The following ANKEF1 variants were observed in gnomAD, a reference collection of about 807,000 sequenced individuals.
ANKEF1 encodes the protein ankyrin repeat and EF-hand domain containing 1, also known as ankyrin repeat and EF-hand domain-containing protein 1.
A neutral mutation model predicts 65.1 loss-of-function variants in ANKEF1; 43 were observed. The observed-to-expected ratio is 0.66, with a 90% confidence interval of 0.52 to 0.85. ANKEF1 has a LOEUF of 0.85. Ranked by LOEUF, ANKEF1 falls within the 40% of genes least tolerant of loss-of-function variation. The probability of loss-of-function intolerance (pLI) is 0.00; values close to 1 mark genes in which losing one functional copy is unlikely to be tolerated. For synonymous variants in ANKEF1, 316 were observed against 341.5 expected, an observed-to-expected ratio of 0.93 and a Z score of 0.82; for missense variants, 934 against 952.9, an observed-to-expected ratio of 0.98 and a Z score of 0.26.
chr20:10,039,951 A>C (rs1430830754), intron 3 of ANKEF1, among the ~76,000 whole-genome samples: 1 of 152,234 alleles, frequency 6.6e-6, no homozygotes, highest in Non-Finnish European at 1.5e-5. Context: ...AACAGATACA[A>C]ATCACAAAGA....
intron 6 of ANKEF1, among the ~76,000 whole-genome samples, chr20:10,048,816 T>C (rs933642293): frequency 1.3e-5 from 2 of 152,202 alleles, no homozygotes; most frequent in Non-Finnish European, 2.9e-5. Context: ...TCAGATTTAA[T>C]TACAATTACT....
At position 10,051,685 on chromosome 20, in the gene ANKEF1, A is replaced by G; in HGVS notation, c.1666A>G (p.Asn556Asp). The G allele has an allele frequency of 6.2e-7, 1 of 1,613,550 alleles. No homozygotes were observed. The highest frequency in any genetic ancestry group is 8.5e-7 in the Non-Finnish European group (1 of 1,179,632). The change falls in exon 8 of 11, where the codon AAC (asparagine) becomes GAC (aspartate). Residue 556 changes from asparagine (N) to aspartate (D), a missense_variant. Asn to Asp is a conservative substitution (Grantham distance 23). Coordinates refer to ENST00000378392, the MANE Select transcript of ANKEF1 (RefSeq NM_022096.6). ...CAGAGCTAACGTTAATGCAACAGAT[A>G]ACTTTCTGTGGACTCCACTTCATTT... ...EKGANVNATD[N>D]FLWTPLHFAC...
At chr20:10,044,647 T>G (rs1984404709) in intron 5 of ANKEF1, 104 bp downstream of exon 5, 1 of 1,088,984 alleles carries the variant, frequency 9.2e-7, no homozygotes, top group Admixed American at 2.6e-5. Flanking sequence ...CAGACATTTT[T>G]CTGAGTTACC....
At chr20:10,040,000 AT>A (rs1322056829) in intron 3 of ANKEF1, among the ~76,000 whole-genome samples, 1 of 152,192 alleles carries the variant, frequency 6.6e-6, no homozygotes, top group Non-Finnish European at 1.5e-5. Context: ...AAAAGTGTAA[AT>A]TTTTTTTAAA....
Position 10,038,289 on chromosome 20 carries a change from G to T in ANKEF1, c.-13G>T. ...TTTTGGTCCAGAAAGCATTTTCAAG[G>T]AGCTGGTCAAGCATGGCTTTAGCAG... is the stretch of plus-strand genomic sequence containing the variant. On this transcript the variant is annotated 5_prime_UTR_variant, in exon 3 of 11. Coordinates refer to ENST00000378392, the MANE Select transcript of ANKEF1 (RefSeq NM_022096.6). 7.0e-7 allele frequency: 1 copy of T among 1,435,358 alleles called. No homozygotes were observed. Among genetic ancestry groups the T allele is most frequent in the South Asian group, 1.8e-5 (1 of 55,782 alleles). The allele number at this position is 1,435,358 out of a possible 1,614,324, so 88.9% of individuals were successfully genotyped here.
intron 9 of ANKEF1, among the ~76,000 whole-genome samples, chr20:10,054,046 G>A (rs545310678): frequency 2.1e-4 from 32 of 152,250 alleles, no homozygotes; most frequent in Non-Finnish European, 4.0e-4. Flanking sequence ...AAGTTTTAGT[G>A]TCATCAAATT....
At chr20:10,037,856 T>A (rs1366747607) in intron 2 of ANKEF1, among the ~76,000 whole-genome samples, 3 of 152,232 alleles carry the variant, frequency 2.0e-5, no homozygotes, top group Non-Finnish European at 4.4e-5. Flanking sequence ...CAAAATTATA[T>A]GTTTTTATAA....
chr20:10,047,897 A>T (rs1984610813), intron 6 of ANKEF1, among the ~76,000 whole-genome samples: 1 of 152,220 alleles, frequency 6.6e-6, no homozygotes, highest in Admixed American at 6.5e-5. Flanking sequence ...TCTAACTAGG[A>T]TTAAGCTGGA....
At chr20:10,052,370 C>A (rs1031385904) in intron 8 of ANKEF1, among the ~76,000 whole-genome samples, 1 of 152,220 alleles carries the variant, frequency 6.6e-6, no homozygotes, top group African/African-American at 2.4e-5. Context: ...TAATTGCATA[C>A]CCTATAGACT....
In ANKEF1 at chr20:10,058,226, G is replaced by C. The variant is rs1985270971; in HGVS notation, c.*2566G>C. The C allele has an allele frequency of 6.6e-6, 1 of 152,096 alleles. No individual in the cohort carries two copies. The highest frequency in any genetic ancestry group is 2.4e-5 in the African/African-American group (1 of 41,436). The allele number at this position is 152,096 out of a possible 1,614,324, so 9.4% of individuals were successfully genotyped here. A position where few individuals can be genotyped will look rare whatever the true frequency, so the allele number is the denominator to read the frequency against. On this transcript the variant is annotated 3_prime_UTR_variant, in exon 11 of 11. Coordinates refer to ENST00000378392, the MANE Select transcript of ANKEF1 (RefSeq NM_022096.6). Reference sequence around the variant, plus strand: ...AATAATTTCATAGCCACCTCCTGTTGCTATTGTGTTGAGTTCAATTGTTGT... The same window carrying C: ...AATAATTTCATAGCCACCTCCTGTTCCTATTGTGTTGAGTTCAATTGTTGT...
Position 10,049,376 on chromosome 20 carries a change from G to A in ANKEF1, c.821-14G>A. The A allele has an allele frequency of 5.0e-6, 8 of 1,596,982 alleles. No homozygotes were observed. Among genetic ancestry groups the A allele is most frequent in the Non-Finnish European group, 6.8e-6 (8 of 1,172,600 alleles). ...CTTGGCACCATTCATAATTAATGAT[G>A]CTTTATGTTTTAGGATGTGACCTGA... On this transcript the variant is annotated splice_polypyrimidine_tract_variant and intron_variant, in intron 6 of 10. Transcript: ENST00000378392.
chr20:10,042,458 T>A (rs182475871), intron 3 of ANKEF1, among the ~76,000 whole-genome samples: 27 of 152,322 alleles, frequency 1.8e-4, no homozygotes, highest in African/African-American at 5.3e-4. Context: ...ACTTTCTTAG[T>A]AACACTCTGC....
chr20:10,051,520 A>G (rs900864445), intron 7 of ANKEF1, 143 bp from the exon 8 acceptor site: 9 of 628,316 alleles, frequency 1.4e-5, no homozygotes, highest in Non-Finnish European at 2.2e-5. Flanking sequence ...ATAATGCAGA[A>G]CAAAGAGGTT....
At chr20:10,042,061 T>A (rs1984227071) in intron 3 of ANKEF1, among the ~76,000 whole-genome samples, 1 of 152,202 alleles carries the variant, frequency 6.6e-6, no homozygotes, top group Admixed American at 6.5e-5. Flanking sequence ...AGTTGAATTT[T>A]TGCCTGGATT....
intron 3 of ANKEF1, among the ~76,000 whole-genome samples, chr20:10,041,380 TATTC>T (rs1984181508): frequency 6.6e-6 from 1 of 152,038 alleles, no homozygotes; most frequent in African/African-American, 2.4e-5. Context: ...TCTTAAACAG[TATTC>T]ATTGATTCTT....
Position 10,051,769 on chromosome 20 carries a change from A to G in ANKEF1, c.1750A>G (p.Ile584Val), listed in dbSNP as rs1984870325. 3.1e-6 allele frequency: 5 copies of G among 1,613,814 alleles called. No individual in the cohort carries two copies. The highest frequency in any genetic ancestry group is 1.3e-5 in the African/African-American group (1 of 75,044). ...VELLVESGALIDAASINNSTP... is the reference protein window; with the variant it reads ...VELLVESGALVDAASINNSTP... ...GCTTCTTGTTGAATCTGGAGCTTTA[A>G]TAGATGCAGCTTCAATCAACAACTC... Residue 584 changes from isoleucine (I) to valine (V), a missense_variant, in exon 8 of 11, where the codon ATA becomes GTA. By Grantham distance (29) the Ile-to-Val change is conservative (BLOSUM62 3). Coordinates refer to ENST00000378392, the MANE Select transcript of ANKEF1 (RefSeq NM_022096.6).
chr20:10,044,450 T>C lies in ANKEF1; in HGVS notation c.603T>C (p.Val201=). ...EASREGVVEI[V]RGILERGGEV... ...CAAGAGAAGGGGTAGTGGAAATAGT[T>C]CGAGGCATATTGGAAAGAGGAGGTG... Residue 201 remains valine, a synonymous_variant, in exon 5 of 11, where the codon GTT becomes GTC. Transcript: ENST00000378392. 6 of 1,614,110 alleles carry C rather than the reference T, an allele frequency of 3.7e-6. No individual in the cohort carries two copies. Among genetic ancestry groups the C allele is most frequent in the Non-Finnish European group, 5.1e-6 (6 of 1,180,000 alleles).
rs371792546 is a variant in ANKEF1 at position 10,054,517 on chromosome 20, A to G, written c.2090A>G (p.Gln697Arg). The change falls in exon 10 of 11, where the codon CAG (glutamine) becomes CGG (arginine). Residue 697 changes from glutamine to arginine, a missense_variant. Gln to Arg is a conservative substitution (Grantham distance 43). Transcript: ENST00000378392. ...VPTTSEGKKV[Q>R]KGNVVHLNSL... Reference sequence around the variant, plus strand: ...ACCACATCAGAGGGAAAGAAAGTACAGAAGGGTAATGTGGTTCATCTGAAT... The same window carrying G: ...ACCACATCAGAGGGAAAGAAAGTACGGAAGGGTAATGTGGTTCATCTGAAT... 12 of 1,608,424 alleles carry G rather than the reference A, an allele frequency of 7.5e-6. No individual in the cohort carries two copies. In the East Asian group the frequency reaches 2.7e-4, roughly 36 times the overall value.
At chr20:10,054,639 T>C (rs1185430927) in intron 10 of ANKEF1, 40 bp downstream of exon 10, 2 of 1,563,556 alleles carry the variant, frequency 1.3e-6, no homozygotes, top group African/African-American at 1.4e-5. Context: ...TGGTAGAAGC[T>C]CATAATGTCA....
Sources: allele counts gnomAD v4.1 joint callset (sites outside exome capture counted in the v4.1 genomes callset), GRCh38; gene constraint gnomAD v4.1.1; transcripts MANE v1.5; gene names NCBI Gene and HGNC (gene_info 2026-07-23, HGNC 2026-07-21).